MYLK: variants seen among roughly 807,000 people sequenced by gnomAD.
The protein encoded by MYLK is myosin light chain kinase, smooth muscle.
In MYLK, 106 loss-of-function variants were observed where a neutral mutation model predicts 203.4. That is an observed-to-expected ratio of 0.52 (90% CI 0.45 to 0.61). MYLK has a LOEUF of 0.61. Ranked by LOEUF, MYLK falls within the 20% of genes least tolerant of loss-of-function variation. The pLI is 0.00. For synonymous variants in MYLK, 867 were observed against 959.5 expected (o/e 0.90, Z 1.78); for missense variants, 2,072 against 2,442.3 (o/e 0.85, Z 3.20).
At chr3:123,773,803 A>G (rs2063966181) in intron 4 of MYLK, among the ~76,000 whole-genome samples, 1 of 152,246 alleles carries the variant, frequency 6.6e-6, no homozygotes, top group African/African-American at 2.4e-5. Flanking sequence ...TCACACATCC[A>G]GTAGGCAGCC....
intron 32 of MYLK, among the ~76,000 whole-genome samples, 188 bp downstream of exon 32, chr3:123,620,013 CTTAAAG>C (rs928094171): frequency 1.3e-4 from 19 of 151,566 alleles, no homozygotes; most frequent in African/African-American, 4.4e-4. Flanking sequence ...AATGGTTAAG[CTTAAAG>C]TTAAACGATT....
In MYLK at chr3:123,610,277, C is replaced by T. The variant is rs1398863202; in HGVS notation, c.*3828G>A. 1 of 152,116 alleles carries T rather than the reference C, an allele frequency of 6.6e-6. No individual in the cohort carries two copies. Among genetic ancestry groups the T allele is most frequent in the Non-Finnish European group, 1.5e-5 (1 of 68,024 alleles). The allele number at this position is 152,116 out of a possible 1,614,324, so 9.4% of individuals were successfully genotyped here. A position where few individuals can be genotyped will look rare whatever the true frequency, so the allele number is the denominator to read the frequency against. ...GCCACTTGTGAGTAGTGGCTACCAT[C>T]CTGGTCACCACACATCCAGAACATG... is the stretch of plus-strand genomic sequence containing the variant. On this transcript the variant is annotated 3_prime_UTR_variant, in exon 34 of 34. Coordinates refer to ENST00000360304, the MANE Select transcript of MYLK (RefSeq NM_053025.4).
chr3:123,680,779 C>T (rs1394698999), intron 20 of MYLK, among the ~76,000 whole-genome samples: 1 of 152,152 alleles, frequency 6.6e-6, no homozygotes, highest in Non-Finnish European at 1.5e-5. Flanking sequence ...GTTAACCCGG[C>T]TCAATTATTT....
At chr3:123,732,845 T>A in intron 11 of MYLK, 51 bp downstream of exon 11, 1 of 1,567,770 alleles carries the variant, frequency 6.4e-7, no homozygotes, top group East Asian at 2.2e-5. Context: ...AAGCACCCCA[T>A]GAATGGTTGT....
chr3:123,832,661 C>T (rs41526746), intron 2 of MYLK, among the ~76,000 whole-genome samples: 8 of 152,150 alleles, frequency 5.3e-5, no homozygotes, highest in Non-Finnish European at 8.8e-5. Context: ...GGGGCTGGAG[C>T]GAACTGGTGA....
At chr3:123,834,559 G>T (rs962183920) in intron 2 of MYLK, among the ~76,000 whole-genome samples, 2 of 152,022 alleles carry the variant, frequency 1.3e-5, no homozygotes, top group African/African-American at 4.8e-5. Flanking sequence ...GTTGCACGGG[G>T]TTAAGGGTTA....
chr3:123,649,506 A>G (rs910533367), intron 24 of MYLK, among the ~76,000 whole-genome samples: 42 of 152,084 alleles, frequency 2.8e-4, no homozygotes, highest in African/African-American at 1.0e-3. Context: ...ACCCTTTCTG[A>G]CTTTCAGAAC....
chr3:123,829,728 G>T (rs1227957587), intron 3 of MYLK, among the ~76,000 whole-genome samples: 2 of 152,082 alleles, frequency 1.3e-5, no homozygotes, highest in Non-Finnish European at 2.9e-5. Context: ...ACTATTATTT[G>T]TAAATTTTTT....
chr3:123,876,010 C>T (rs1215515034), intron 2 of MYLK, among the ~76,000 whole-genome samples: 2 of 152,124 alleles, frequency 1.3e-5, no homozygotes, highest in Non-Finnish European at 2.9e-5. Flanking sequence ...CCCTGGTAGA[C>T]TTTAATATTC....
chr3:123,652,062 C>T (rs1422346069), intron 24 of MYLK, among the ~76,000 whole-genome samples: 3 of 152,164 alleles, frequency 2.0e-5, no homozygotes, highest in Non-Finnish European at 4.4e-5. Flanking sequence ...GCCTGTGCAA[C>T]AGAGTGAGAC....
intron 4 of MYLK, among the ~76,000 whole-genome samples, chr3:123,775,335 C>T (rs779022479): frequency 6.6e-6 from 1 of 152,212 alleles, no homozygotes; most frequent in Non-Finnish European, 1.5e-5. Context: ...ACCTGGCTCT[C>T]AGCATCGGCA....
At chr3:123,764,658 G>A (rs940902493) in intron 4 of MYLK, among the ~76,000 whole-genome samples, 1 of 152,198 alleles carries the variant, frequency 6.6e-6, no homozygotes, top group African/African-American at 2.4e-5. Flanking sequence ...CGTGACAGCT[G>A]GTCAGCTTTG....
At chr3:123,795,281 G>A (rs1208793825) in intron 3 of MYLK, among the ~76,000 whole-genome samples, 2 of 152,146 alleles carry the variant, frequency 1.3e-5, no homozygotes, top group African/African-American at 2.4e-5. Context: ...TCATATTGAT[G>A]TATGACTTAC....
At chr3:123,717,312 G>A (rs1035430341) in intron 13 of MYLK, among the ~76,000 whole-genome samples, 5 of 152,228 alleles carry the variant, frequency 3.3e-5, no homozygotes, top group African/African-American at 1.2e-4. Context: ...TCATTGCCAA[G>A]CAAACGCTGA....
Position 123,614,034 on chromosome 3 carries a change from T to G in MYLK, c.*71A>C, listed in dbSNP as rs561216247. The G allele has an allele frequency of 8.3e-6, 13 of 1,559,510 alleles. No homozygotes were observed. The highest frequency in any genetic ancestry group is 3.7e-5 in the Admixed American group (2 of 53,960). Reference sequence around the variant, plus strand: ...GGTGCTTTTACTATCTTGAGTTTTTTTTTTTTTTTTGAGTTTTAGAGAAAT... The same window carrying G: ...GGTGCTTTTACTATCTTGAGTTTTTGTTTTTTTTTTGAGTTTTAGAGAAAT... On this transcript the variant is annotated 3_prime_UTR_variant, in exon 34 of 34. Transcript: ENST00000360304.
rs2057216046 is a variant in MYLK, at chr3:123,610,055, A to G, written c.*4050T>C. ...GAATTAAGAACAACAACACTTGAGT[A>G]TCGAGACTATATTATCCAATACAAT... On this transcript the variant is annotated 3_prime_UTR_variant, in exon 34 of 34. Transcript: ENST00000360304. 1 of 152,228 alleles carries G rather than the reference A, an allele frequency of 6.6e-6. No individual in the cohort carries two copies. Among genetic ancestry groups the G allele is most frequent in the Non-Finnish European group, 1.5e-5 (1 of 68,034 alleles). 9.4% of individuals were successfully genotyped at this position (152,228 alleles called of 1,614,324 possible).
rs760161693 is a variant in MYLK at position 123,659,664 on chromosome 3, G to C, written c.3986-2236C>G. The C allele has an allele frequency of 2.9e-5, 15 of 517,962 alleles. No individual in the cohort carries two copies. The East Asian group carries it at 7.6e-4, about 26-fold the overall frequency. 32.1% of individuals were successfully genotyped at this position (517,962 alleles called of 1,614,324 possible). A position where few individuals can be genotyped will look rare whatever the true frequency, so the allele number is the denominator to read the frequency against. Reference sequence around the variant, plus strand: ...AAGCTATGAGCCCCATGCAGTGGCTGAACTAGTAAAGGGATGAAAACTCTC... The same window carrying C: ...AAGCTATGAGCCCCATGCAGTGGCTCAACTAGTAAAGGGATGAAAACTCTC... On this transcript the variant is annotated intron_variant, in intron 23 of 33. Transcript: ENST00000360304.
At chr3:123,864,538 A>G (rs2032178853) in intron 2 of MYLK, among the ~76,000 whole-genome samples, 1 of 152,218 alleles carries the variant, frequency 6.6e-6, no homozygotes, top group South Asian at 2.1e-4. Context: ...TTAACTTTAG[A>G]ATCTAGGTGG....
At position 123,657,245 on chromosome 3, in the gene MYLK, T is replaced by C. The variant is rs1470925802; in HGVS notation, c.4169A>G (p.Asn1390Ser). 6 of 1,614,192 alleles carry C rather than the reference T, an allele frequency of 3.7e-6. No individual in the cohort carries two copies. Among genetic ancestry groups the C allele is most frequent in the African/African-American group, 2.7e-5 (2 of 75,036 alleles). ...ELATCRSTSFNVQDLLPDHEY... is the reference protein window; with the variant it reads ...ELATCRSTSFSVQDLLPDHEY... ...GTGGTCAGGCAGCAGGTCCTGGACG[T>C]TGAAAGAGGTGCTGCGGCATGTGGC... Residue 1390 changes from asparagine (N) to serine (S), a missense_variant, in exon 24 of 34, where the codon AAC (asparagine) becomes AGC (serine). By Grantham distance (46) the Asn-to-Ser change is conservative (BLOSUM62 1). Transcript: ENST00000360304.
Sources: allele counts gnomAD v4.1 joint callset (sites outside exome capture counted in the v4.1 genomes callset), GRCh38; gene constraint gnomAD v4.1.1; transcripts MANE v1.5; gene names NCBI Gene and HGNC (gene_info 2026-07-23, HGNC 2026-07-21).